The following NXPH1 variants were observed in gnomAD, a reference collection of about 807,000 sequenced individuals.
NXPH1 encodes the protein neurexophilin-1.
In NXPH1, 5 loss-of-function variants were observed where a neutral mutation model predicts 23.7. The observed-to-expected ratio is 0.21, with a 90% CI of 0.11 to 0.44. NXPH1 has a LOEUF of 0.44. NXPH1 is among the 20% of genes least tolerant of loss of function. NXPH1 has a pLI of 0.99. For synonymous variants in NXPH1, 144 were observed against 122.2 expected (o/e 1.18, Z -1.18); for missense variants, 324 against 321.6 (o/e 1.01, Z -0.06).
intron 2 of NXPH1, among the ~76,000 whole-genome samples, chr7:8,680,069 G>A (rs975902410): frequency 6.6e-6 from 1 of 152,234 alleles, no homozygotes; most frequent in South Asian, 2.1e-4. Flanking sequence ...CAGACACGGA[G>A]TGGTATTTGT....
intron 2 of NXPH1, among the ~76,000 whole-genome samples, chr7:8,448,388 G>C (rs557361164): frequency 5.9e-5 from 9 of 152,294 alleles, no homozygotes; most frequent in African/African-American, 1.9e-4. Context: ...GACACAGAAG[G>C]GCTGATTCTA....
At chr7:8,598,513 G>A (rs6974213) in intron 2 of NXPH1, among the ~76,000 whole-genome samples, 44,298 of 151,998 alleles carry the variant, frequency 0.29, 7,943 homozygotes, top group East Asian at 0.54. Context: ...CTTCTGGAGC[G>A]CCAAGGGCCC....
chr7:8,602,597 A>C (rs1009616050), intron 2 of NXPH1, among the ~76,000 whole-genome samples: 2 of 152,164 alleles, frequency 1.3e-5, no homozygotes, highest in Non-Finnish European at 2.9e-5. Flanking sequence ...ATTTATATTA[A>C]GCATAATTCT....
At chr7:8,532,046 T>C (rs1817956543) in intron 2 of NXPH1, among the ~76,000 whole-genome samples, 1 of 152,102 alleles carries the variant, frequency 6.6e-6, no homozygotes, top group Non-Finnish European at 1.5e-5. Context: ...CACCAGTAAT[T>C]CTGCTCTGTG....
intron 2 of NXPH1, among the ~76,000 whole-genome samples, chr7:8,596,420 A>G (rs1452588188): frequency 6.6e-6 from 1 of 152,146 alleles, no homozygotes; most frequent in African/African-American, 2.4e-5. Context: ...GTTTCCTGCT[A>G]AATGGCCCAC....
intron 2 of NXPH1, among the ~76,000 whole-genome samples, chr7:8,619,194 T>G (rs999630657): frequency 3.3e-5 from 5 of 151,976 alleles, no homozygotes; most frequent in African/African-American, 9.7e-5. Context: ...TGAGGTGGCG[T>G]GCATTTTGAA....
At position 8,697,012 on chromosome 7, in the gene NXPH1, G is replaced by A. The variant is rs549680085; in HGVS notation, c.55-53996G>A. 6.4e-3 allele frequency among the ~76,000 whole-genome samples: 970 copies of A among 151,606 alleles called. 6 individuals are homozygous for A. Among genetic ancestry groups the A allele is most frequent in the African/African-American group, 0.023 (939 of 41,294 alleles). On this transcript the variant is annotated intron_variant, in intron 2 of 2. Transcript: ENST00000405863. ...GTCTCTACTAAAAATACAAAAATTA[G>A]CTGGGTGTGGTGGTGGGCGCCTGTG...
intron 2 of NXPH1, among the ~76,000 whole-genome samples, chr7:8,511,375 C>A (rs529064642): frequency 3.9e-5 from 6 of 152,094 alleles, no homozygotes; most frequent in African/African-American, 1.4e-4. Context: ...GCATGTGGAA[C>A]CTGTCCTGCC....
chr7:8,550,108 C>T lies in NXPH1; in HGVS notation c.54+114341C>T, dbSNP rs7794599. Among the ~76,000 whole-genome samples, 1,037 of 151,600 alleles carry T rather than the reference C, an allele frequency of 6.8e-3. 9 individuals carry two copies. The highest frequency in any genetic ancestry group is 0.022 in the African/African-American group (911 of 41,384). ...AATAGGTAGTTATAAAACTTGCCTG[C>T]GGTGATCTGGAGACTTTAGTGAAAA... On this transcript the variant is annotated intron_variant, in intron 2 of 2. Coordinates refer to ENST00000405863, the MANE Select transcript of NXPH1 (RefSeq NM_152745.3).
At chr7:8,682,266 C>T (rs944581319) in intron 2 of NXPH1, among the ~76,000 whole-genome samples, 11 of 152,134 alleles carry the variant, frequency 7.2e-5, no homozygotes, top group East Asian at 3.9e-4. Flanking sequence ...CAAACCTAGC[C>T]GTGCCTCAGA....
intron 2 of NXPH1, among the ~76,000 whole-genome samples, chr7:8,448,573 T>G (rs1816446016): frequency 6.6e-6 from 1 of 152,048 alleles, no homozygotes; most frequent in Non-Finnish European, 1.5e-5. Flanking sequence ...TCCTAGCACT[T>G]TGGGAGGCCG....
chr7:8,675,043 G>A (rs1364544776), intron 2 of NXPH1, among the ~76,000 whole-genome samples: 1 of 152,142 alleles, frequency 6.6e-6, no homozygotes, highest in Non-Finnish European at 1.5e-5. Flanking sequence ...GGGTATGGAT[G>A]AGTAAACCTT....
chr7:8,534,901 G>C (rs1339783781), intron 2 of NXPH1, among the ~76,000 whole-genome samples: 8 of 152,028 alleles, frequency 5.3e-5, no homozygotes, highest in Non-Finnish European at 7.4e-5. Flanking sequence ...TTTTTTGTCT[G>C]TCTTGAGCAT....
chr7:8,678,928 A>ATTTTTTTTTTTTTTTTTTT lies in NXPH1; in HGVS notation c.55-72063_55-72045dup, dbSNP rs540056222. Among the ~76,000 whole-genome samples, 396 of 68,782 alleles carry ATTTTTTTTTTTTTTTTTTT rather than the reference A, an allele frequency of 5.8e-3. 44 individuals carry two copies. Among genetic ancestry groups the ATTTTTTTTTTTTTTTTTTT allele is most frequent in the Non-Finnish European group, 7.1e-3 (284 of 39,992 alleles). 45.1% of individuals were successfully genotyped at this position (68,782 alleles called of 152,430 possible). On this transcript the variant is annotated intron_variant, in intron 2 of 2. Transcript: ENST00000405863. ...TCTAGATTTATCTTTGCTTTATCCA[A>ATTTTTTTTTTTTTTTTTTT]TTTTTTTTTTTTTTTTTTTTTTTTT...
intron 2 of NXPH1, among the ~76,000 whole-genome samples, chr7:8,719,001 T>C (rs566174255): frequency 6.6e-6 from 1 of 152,292 alleles, no homozygotes; most frequent in South Asian, 2.1e-4. Context: ...CCAACAGAAG[T>C]CTATTTATCT....
chr7:8,585,880 G>C (rs1330511171), intron 2 of NXPH1, among the ~76,000 whole-genome samples: 1 of 152,144 alleles, frequency 6.6e-6, no homozygotes, highest in East Asian at 1.9e-4. Context: ...TTGAGCTTTG[G>C]AAAGAAGTAC....
chr7:8,673,296 C>G (rs1405369881), intron 2 of NXPH1, among the ~76,000 whole-genome samples: 1 of 152,064 alleles, frequency 6.6e-6, no homozygotes, highest in Non-Finnish European at 1.5e-5. Flanking sequence ...TAAACAGTTT[C>G]AATTAAGATG....
intron 2 of NXPH1, among the ~76,000 whole-genome samples, chr7:8,498,395 T>C (rs1043803031): frequency 1.3e-5 from 2 of 152,070 alleles, no homozygotes; most frequent in Non-Finnish European, 2.9e-5. Context: ...TGAAATTGGA[T>C]ATTTAGAGTA....
intron 2 of NXPH1, among the ~76,000 whole-genome samples, chr7:8,494,697 C>T (rs1264942833): frequency 6.6e-6 from 1 of 152,060 alleles, no homozygotes; most frequent in African/African-American, 2.4e-5. Flanking sequence ...TTGGTTCTAT[C>T]GAGTTGACAG....
Sources: allele counts gnomAD v4.1 joint callset (sites outside exome capture counted in the v4.1 genomes callset), GRCh38; gene constraint gnomAD v4.1.1; transcripts MANE v1.5; gene names NCBI Gene and HGNC (gene_info 2026-07-23, HGNC 2026-07-21).